AGBL4: variants seen among roughly 807,000 people sequenced by gnomAD.
AGBL4 encodes the protein cytosolic carboxypeptidase 6.
A neutral mutation model predicts 66.4 loss-of-function variants in AGBL4; 58 were observed. The ratio of observed to expected loss-of-function variants is 0.87; its 90% CI spans 0.71 to 1.09. The LOEUF (loss-of-function observed/expected upper bound fraction) is 1.09. Ranked by LOEUF, AGBL4 falls within the 50% of genes least tolerant of loss-of-function variation. AGBL4 has a pLI of 0.00. For synonymous variants in AGBL4, 234 were observed against 222.9 expected, an observed-to-expected ratio of 1.05 and a Z score of -0.44; for missense variants, 579 against 631.0, an observed-to-expected ratio of 0.92 and a Z score of 0.88.
chr1:49,609,608 CTT>C (rs1470134807), intron 3 of AGBL4, among the ~76,000 whole-genome samples: 2 of 152,008 alleles, frequency 1.3e-5, no homozygotes, highest in Non-Finnish European at 2.9e-5. Flanking sequence ...ATTTTTTTAA[CTT>C]TTATTTTAGT....
chr1:49,845,513 G>A (rs1253010628), intron 2 of AGBL4: 1 of 1,578,870 alleles, frequency 6.3e-7, no homozygotes, highest in Non-Finnish European at 8.7e-7. Flanking sequence ...GGTGAGTGTG[G>A]CAAGGCCTTG....
At chr1:48,709,849 A>G (rs1646938185) in intron 6 of AGBL4, among the ~76,000 whole-genome samples, 2 of 151,990 alleles carry the variant, frequency 1.3e-5, no homozygotes, top group Admixed American at 6.6e-5. Flanking sequence ...TGATCCACCC[A>G]CCTTGGCCTC....
At chr1:50,020,985 G>C (rs557408168) in intron 1 of AGBL4, among the ~76,000 whole-genome samples, 1 of 152,112 alleles carries the variant, frequency 6.6e-6, no homozygotes, top group East Asian at 1.9e-4. Flanking sequence ...GACAATAAGG[G>C]TCAATAAAAT....
At chr1:49,807,421 C>A (rs750257475) in intron 2 of AGBL4, among the ~76,000 whole-genome samples, 1 of 152,186 alleles carries the variant, frequency 6.6e-6, no homozygotes, top group Non-Finnish European at 1.5e-5. Context: ...GCCCCTTTCT[C>A]CTTTCCTATT....
intron 5 of AGBL4, among the ~76,000 whole-genome samples, chr1:48,941,925 G>T (rs751665442): frequency 2.0e-5 from 3 of 152,124 alleles, no homozygotes; most frequent in Admixed American, 2.0e-4. Flanking sequence ...AATGAATAGT[G>T]GCCAGAAGGG....
intron 1 of AGBL4, among the ~76,000 whole-genome samples, chr1:49,984,570 C>CA (rs1659346128): frequency 6.6e-6 from 1 of 152,192 alleles, no homozygotes; most frequent in African/African-American, 2.4e-5. Flanking sequence ...ACTCCCACCC[C>CA]AAAACCCCTC....
intron 4 of AGBL4, among the ~76,000 whole-genome samples, chr1:49,157,361 C>T (rs1646453655): frequency 6.6e-6 from 1 of 151,656 alleles, no homozygotes; most frequent in Non-Finnish European, 1.5e-5. Flanking sequence ...TCTTAGATTG[C>T]TGAGAATGAT....
intron 3 of AGBL4, among the ~76,000 whole-genome samples, chr1:49,668,561 G>A (rs928903493): frequency 2.0e-5 from 3 of 152,160 alleles, no homozygotes; most frequent in Non-Finnish European, 2.9e-5. Context: ...GTAATGGTGT[G>A]TCAGAAATCT....
intron 4 of AGBL4, among the ~76,000 whole-genome samples, chr1:49,228,741 G>A (rs1158192330): frequency 6.6e-6 from 1 of 152,130 alleles, no homozygotes; most frequent in Non-Finnish European, 1.5e-5. Context: ...TGAATACAAG[G>A]GTAAAAGCAG....
chr1:48,702,648 C>T (rs1313352146), intron 6 of AGBL4, among the ~76,000 whole-genome samples: 3 of 152,046 alleles, frequency 2.0e-5, no homozygotes, highest in Non-Finnish European at 2.9e-5. Flanking sequence ...TGCAGCACAA[C>T]AGGAAGTAGG....
At chr1:48,928,888 C>T (rs1274556874) in intron 5 of AGBL4, among the ~76,000 whole-genome samples, 2 of 152,168 alleles carry the variant, frequency 1.3e-5, no homozygotes, top group Admixed American at 6.6e-5. Context: ...TCATTTCTGA[C>T]AGGTTCTAGT....
At chr1:49,796,865 G>A (rs1353805323) in intron 2 of AGBL4, among the ~76,000 whole-genome samples, 1 of 151,860 alleles carries the variant, frequency 6.6e-6, no homozygotes, top group Non-Finnish European at 1.5e-5. Context: ...TTCCAGTTAT[G>A]CAAGATGAGT....
At chr1:49,169,740 G>A (rs1335653844) in intron 4 of AGBL4, among the ~76,000 whole-genome samples, 2 of 152,098 alleles carry the variant, frequency 1.3e-5, no homozygotes, top group African/African-American at 4.8e-5. Context: ...CCATCCATAC[G>A]CCAAGCCTAT....
intron 5 of AGBL4, among the ~76,000 whole-genome samples, chr1:48,934,393 ATTAATGCTATCACCT>A (rs925144606): frequency 6.6e-6 from 1 of 152,180 alleles, no homozygotes; most frequent in Non-Finnish European, 1.5e-5. Flanking sequence ...CACTGTGATT[ATTAATGCTATCACCT>A]TTCACTCTCT....
intron 4 of AGBL4, among the ~76,000 whole-genome samples, chr1:49,207,602 C>CTTTCTTTCTTTCT (rs757148627): frequency 2.4e-4 from 20 of 83,658 alleles, no homozygotes; most frequent in African/African-American, 7.6e-4. Context: ...TTCTTTCTTT[C>CTTTCTTTCTTTCT]TTCTTTTTAT....
chr1:49,393,129 A>G (rs1170193860), intron 3 of AGBL4, among the ~76,000 whole-genome samples: 2 of 152,250 alleles, frequency 1.3e-5, no homozygotes, highest in African/African-American at 4.8e-5. Context: ...TTATTACAGC[A>G]AAGCTTGACA....
At chr1:49,907,901 G>A (rs558355560) in intron 1 of AGBL4, among the ~76,000 whole-genome samples, 1 of 152,016 alleles carries the variant, frequency 6.6e-6, no homozygotes, top group Non-Finnish European at 1.5e-5. Context: ...GTACATGTGG[G>A]GGTGGGGGTA....
At chr1:48,567,682 C>G (rs974681494) in intron 11 of AGBL4, among the ~76,000 whole-genome samples, 4 of 152,090 alleles carry the variant, frequency 2.6e-5, no homozygotes, top group African/African-American at 2.4e-5. Flanking sequence ...GAGAAGGGGA[C>G]CTGTTGGGGG....
At chr1:49,982,502 C>T (rs571809192) in intron 1 of AGBL4, among the ~76,000 whole-genome samples, 1 of 152,342 alleles carries the variant, frequency 6.6e-6, no homozygotes, top group African/African-American at 2.4e-5. Flanking sequence ...GCCCCCTCAG[C>T]ATGAAGAGCC....
Sources: allele counts gnomAD v4.1 joint callset (sites outside exome capture counted in the v4.1 genomes callset), GRCh38; gene constraint gnomAD v4.1.1; transcripts MANE v1.5; gene names NCBI Gene and HGNC (gene_info 2026-07-23, HGNC 2026-07-21).